The following AFF3 variants were observed in gnomAD, a reference collection of about 807,000 sequenced individuals.
AFF3 encodes AF4/FMR2 family member 3.
In AFF3, 32 loss-of-function variants were observed where a neutral mutation model predicts 129.7. The ratio of observed to expected loss-of-function variants is 0.25; its 90% CI spans 0.19 to 0.33. AFF3 has a LOEUF of 0.33. Ranked by LOEUF, AFF3 falls within the 10% of genes least tolerant of loss-of-function variation. The probability of loss-of-function intolerance (pLI) is 1.00; values close to 1 mark genes in which losing one functional copy is unlikely to be tolerated. For missense variants in AFF3, 1,373 were observed against 1,592.0 expected (o/e 0.86, Z 2.34); for synonymous variants, 644 against 635.4 (o/e 1.01, Z -0.20).
intron 8 of AFF3, among the ~76,000 whole-genome samples, chr2:99,820,774 T>TTTTTG (rs1687603862): frequency 7.3e-6 from 1 of 137,772 alleles, no homozygotes; most frequent in Non-Finnish European, 1.6e-5. Flanking sequence ...TTCTTACTTT[T>TTTTTG]AAAACTTTTT....
intron 7 of AFF3, among the ~76,000 whole-genome samples, chr2:99,929,691 G>A (rs1696530466): frequency 6.6e-6 from 1 of 152,098 alleles, no homozygotes; most frequent in South Asian, 2.1e-4. Context: ...TAGACTCCAA[G>A]TTCACAGTGC....
chr2:100,078,365 G>A (rs576402564), intron 4 of AFF3, among the ~76,000 whole-genome samples: 2 of 152,296 alleles, frequency 1.3e-5, no homozygotes, highest in South Asian at 4.1e-4. Flanking sequence ...AGCTTTTACA[G>A]GGCTTGTTTT....
At position 99,554,355 on chromosome 2, in the gene AFF3, T is replaced by C. The variant is rs201046064; in HGVS notation, c.3515A>G (p.Tyr1172Cys). 1.9e-5 allele frequency: 31 copies of C among 1,614,086 alleles called. No individual in the cohort carries two copies. The South Asian group carries it at 2.9e-4, about 15-fold the overall frequency. Reference sequence around the variant, plus strand: ...GTTGTCGGCCATCTCCCAGTAGTCGTAGCTGTGCAGGATGCTGTTGGTGAT... The same window carrying C: ...GTTGTCGGCCATCTCCCAGTAGTCGCAGCTGTGCAGGATGCTGTTGGTGAT... ...VSITNSILHS[Y>C]DYWEMADNLA... The change falls in exon 24 of 25, where the codon TAC (tyrosine) becomes TGC (cysteine). Residue 1172 changes from tyrosine to cysteine, a missense_variant. Tyr to Cys is a radical substitution (Grantham distance 194). This residue lies in a region of AFF3 where 165 missense variants were observed against 234.0 expected (regional missense o/e 0.71). Coordinates refer to ENST00000672756, the MANE Select transcript of AFF3 (RefSeq NM_001386135.1).
At chr2:99,582,536 G>GGTCTT (rs1479596795) in intron 17 of AFF3, among the ~76,000 whole-genome samples, 2 of 152,174 alleles carry the variant, frequency 1.3e-5, no homozygotes, top group African/African-American at 4.8e-5. Context: ...ATTACTTTGA[G>GGTCTT]GTCTTTTCTT....
chr2:100,003,614 C>A (rs777588705), intron 7 of AFF3, among the ~76,000 whole-genome samples: 5 of 152,210 alleles, frequency 3.3e-5, no homozygotes, highest in Admixed American at 6.5e-5. Context: ...AGGTCTTTAA[C>A]TTCTACATCA....
intron 8 of AFF3, among the ~76,000 whole-genome samples, chr2:99,752,591 C>T (rs1348099533): frequency 1.3e-5 from 2 of 152,162 alleles, no homozygotes; most frequent in African/African-American, 4.8e-5. Flanking sequence ...AAGGGACAAT[C>T]TAGTAGCAAA....
intron 7 of AFF3, among the ~76,000 whole-genome samples, chr2:99,880,265 A>G (rs918319214): frequency 7.9e-5 from 12 of 152,330 alleles, no homozygotes; most frequent in East Asian, 5.8e-4. Context: ...AAGCTAATGA[A>G]GCAAGACACG....
At chr2:99,873,001 T>G (rs1335302535) in intron 7 of AFF3, among the ~76,000 whole-genome samples, 1 of 152,238 alleles carries the variant, frequency 6.6e-6, no homozygotes, top group Non-Finnish European at 1.5e-5. Context: ...TGGGAAAAGG[T>G]CTGTCAAATA....
intron 12 of AFF3, among the ~76,000 whole-genome samples, chr2:99,652,433 C>T (rs560914285): frequency 2.0e-5 from 3 of 152,210 alleles, no homozygotes; most frequent in African/African-American, 7.2e-5. Flanking sequence ...GAAGAATTGT[C>T]CCCTTAAAAT....
At chr2:99,683,499 G>A (rs1406968431) in intron 11 of AFF3, among the ~76,000 whole-genome samples, 7 of 151,808 alleles carry the variant, frequency 4.6e-5, no homozygotes, top group Non-Finnish European at 7.4e-5. Context: ...CCACGCTGGA[G>A]TGCAGTGGTG....
intron 7 of AFF3, among the ~76,000 whole-genome samples, chr2:99,846,068 G>A (rs902662855): frequency 6.6e-6 from 1 of 151,506 alleles, no homozygotes; most frequent in East Asian, 1.9e-4. Context: ...TCCTGACCTC[G>A]TGATCCACCT....
At chr2:99,836,867 T>G (rs1477325878) in intron 8 of AFF3, among the ~76,000 whole-genome samples, 1 of 152,152 alleles carries the variant, frequency 6.6e-6, no homozygotes, top group Non-Finnish European at 1.5e-5. Context: ...GACATCCTGA[T>G]TATATGTCTG....
intron 7 of AFF3, among the ~76,000 whole-genome samples, chr2:99,841,271 G>C (rs1355925066): frequency 6.6e-6 from 1 of 152,214 alleles, no homozygotes; most frequent in East Asian, 1.9e-4. Flanking sequence ...CGCTGAGAGA[G>C]AAATGCAGGA....
At chr2:100,015,697 G>A (rs1431997713) in intron 4 of AFF3, among the ~76,000 whole-genome samples, 1 of 152,204 alleles carries the variant, frequency 6.6e-6, no homozygotes, top group Admixed American at 6.5e-5. Flanking sequence ...GACATAGCTG[G>A]TGGACTGAAA....
chr2:99,778,592 C>T (rs1479627720), intron 8 of AFF3, among the ~76,000 whole-genome samples: 1 of 152,144 alleles, frequency 6.6e-6, no homozygotes, highest in Non-Finnish European at 1.5e-5. Flanking sequence ...TCTATCTTAA[C>T]AATATTAAGT....
At chr2:99,845,939 T>C (rs550645138) in intron 7 of AFF3, among the ~76,000 whole-genome samples, 1 of 152,134 alleles carries the variant, frequency 6.6e-6, no homozygotes, top group Non-Finnish European at 1.5e-5. Context: ...TTCACACCAT[T>C]CTCCTGCCTC....
chr2:100,002,493 TTTAA>T (rs1228039419), intron 7 of AFF3, among the ~76,000 whole-genome samples: 2 of 152,246 alleles, frequency 1.3e-5, no homozygotes, highest in Non-Finnish European at 2.9e-5. Context: ...TCTTAGACTA[TTTAA>T]TTACTTATTT....
chr2:99,905,099 C>T (rs1217598110), intron 7 of AFF3, among the ~76,000 whole-genome samples: 1 of 152,090 alleles, frequency 6.6e-6, no homozygotes, highest in Non-Finnish European at 1.5e-5. Flanking sequence ...CACCTCTGCC[C>T]CAATGCTGAG....
intron 2 of AFF3, among the ~76,000 whole-genome samples, chr2:100,115,632 T>G (rs1438949167): frequency 6.6e-6 from 1 of 152,240 alleles, no homozygotes; most frequent in Non-Finnish European, 1.5e-5. Flanking sequence ...CCGTTATATT[T>G]TCAGCTCATT....
Sources: gnomAD v4.1 joint callset for allele counts (sites outside exome capture counted in the v4.1 genomes callset) on GRCh38, gnomAD v4.1.1 for gene constraint, gnomAD v4.1.1 regional missense constraint, MANE v1.5 for transcripts, NCBI Gene and HGNC (gene_info 2026-07-23, HGNC 2026-07-21) for gene names.